TAOK3: variants seen among roughly 807,000 people sequenced by gnomAD.
TAOK3 encodes the protein TAO kinase 3.
Under a neutral mutation model 120.4 loss-of-function variants are expected in TAOK3, and 40 were observed. That is an observed-to-expected ratio of 0.33 (90% CI 0.26 to 0.43). TAOK3 has a LOEUF of 0.43. Ranked by LOEUF, TAOK3 falls within the 20% of genes least tolerant of loss-of-function variation. TAOK3 has a pLI of 1.00. For missense variants in TAOK3, 821 were observed against 1,112.1 expected, an observed-to-expected ratio of 0.74 and a Z score of 3.72; for synonymous variants, 355 against 387.5, an observed-to-expected ratio of 0.92 and a Z score of 0.99.
In TAOK3 at chr12:118,199,133, A is replaced by G. The variant is rs1294041296; in HGVS notation, c.1112T>C (p.Met371Thr). The stretch of plus-strand genomic sequence containing the variant: ...GACAAGTTCGGAACTGCTCTCGTCC[A>G]TGACTTCCTGCATGCTGTTCACACT... ...SSSVNSMQEV[M>T]DESSSELVMM... is the part of the protein sequence containing the mutation. Residue 371 changes from methionine to threonine, a missense_variant, in exon 13 of 21, where the codon ATG becomes ACG. Physicochemically the swap from Met to Thr is moderately conservative, Grantham distance 81. This residue lies in a region of TAOK3 where 467 missense variants were observed against 540.0 expected (regional missense o/e 0.86). Coordinates refer to ENST00000392533, the MANE Select transcript of TAOK3 (RefSeq NM_016281.4). 6.2e-7 allele frequency: 1 copy of G among 1,614,182 alleles called. No homozygotes were observed. The highest frequency in any genetic ancestry group is 1.1e-5 in the South Asian group (1 of 91,086).
intron 1 of TAOK3, among the ~76,000 whole-genome samples, chr12:118,338,535 C>T (rs928816132): frequency 6.6e-5 from 10 of 152,034 alleles, no homozygotes; most frequent in African/African-American, 2.2e-4. Context: ...GGCCTGTAAT[C>T]CCAGCACTTT....
chr12:118,291,330 T>G (rs2042470715), intron 1 of TAOK3, among the ~76,000 whole-genome samples: 1 of 151,378 alleles, frequency 6.6e-6, no homozygotes, highest in Non-Finnish European at 1.5e-5. Context: ...CTAATTTTTT[T>G]TTGTCGTTTT....
At chr12:118,346,408 T>G (rs953315220) in intron 1 of TAOK3, among the ~76,000 whole-genome samples, 2 of 152,214 alleles carry the variant, frequency 1.3e-5, no homozygotes, top group African/African-American at 4.8e-5. Context: ...ATGAAATGAA[T>G]AATTGTACAG....
At chr12:118,209,677 G>A (rs1036566197) in intron 11 of TAOK3, among the ~76,000 whole-genome samples, 1 of 151,442 alleles carries the variant, frequency 6.6e-6, no homozygotes, top group Non-Finnish European at 1.5e-5. Flanking sequence ...GGGATTATAG[G>A]TGTGAGCCAT....
At chr12:118,176,843 T>C (rs1034568408) in intron 16 of TAOK3, among the ~76,000 whole-genome samples, 13 of 152,088 alleles carry the variant, frequency 8.5e-5, no homozygotes, top group African/African-American at 2.2e-4. Flanking sequence ...CTCAGCTCAC[T>C]GCAACCTCTG....
chr12:118,246,285 C>G (rs1420513557), intron 3 of TAOK3: 13 of 1,553,108 alleles, frequency 8.4e-6, no homozygotes, highest in Non-Finnish European at 1.1e-5. Context: ...CAAGTTGGGC[C>G]GCTTGGTCAA....
At chr12:118,342,036 C>T (rs1429558045) in intron 1 of TAOK3, among the ~76,000 whole-genome samples, 1 of 151,994 alleles carries the variant, frequency 6.6e-6, no homozygotes, top group Non-Finnish European at 1.5e-5. Flanking sequence ...AAACAAAAAA[C>T]AAACCAAAAA....
At chr12:118,255,842 GGAGGCT>G (rs919309462) in intron 2 of TAOK3, 187 bp from the exon 3 acceptor site, 15 of 240,828 alleles carry the variant, frequency 6.2e-5, no homozygotes, top group Non-Finnish European at 8.0e-5. Context: ...CGGCACTTTG[GGAGGCT>G]GAGGCGGGCG....
intron 16 of TAOK3, among the ~76,000 whole-genome samples, chr12:118,176,322 G>A (rs1331948567): frequency 6.6e-6 from 1 of 152,142 alleles, no homozygotes; most frequent in Non-Finnish European, 1.5e-5. Flanking sequence ...GGTGGCTGGT[G>A]CAGCGAAGAG....
chr12:118,222,541 AAAAG>A (rs1434855970), intron 9 of TAOK3, among the ~76,000 whole-genome samples: 6 of 152,030 alleles, frequency 3.9e-5, no homozygotes, highest in African/African-American at 1.2e-4. Flanking sequence ...CGAAAAAAAA[AAAAG>A]AAAGAAAGAA....
At chr12:118,173,818 A>AAT (rs1241929882) in intron 16 of TAOK3, among the ~76,000 whole-genome samples, 1,524 of 152,284 alleles carry the variant, frequency 0.01, 32 homozygotes, top group African/African-American at 0.035. Flanking sequence ...TTAGCTACTC[A>AAT]CTCAGCTAAA....
intron 11 of TAOK3, among the ~76,000 whole-genome samples, chr12:118,210,244 TG>T (rs1196866931): frequency 1.3e-5 from 2 of 152,162 alleles, no homozygotes; most frequent in Non-Finnish European, 2.9e-5. Flanking sequence ...GGCTAGATTC[TG>T]TTATTGAGCA....
chr12:118,234,838 T>C (rs532282853), intron 8 of TAOK3, among the ~76,000 whole-genome samples: 184 of 152,368 alleles, frequency 1.2e-3, no homozygotes, highest in Non-Finnish European at 1.7e-3. Flanking sequence ...TTACTTTACT[T>C]GTTTGTCCAT....
Position 118,339,275 on chromosome 12 carries a change from CTTTTTTTTTTT to C in TAOK3, c.-194+33362_-194+33372del, listed in dbSNP as rs72009582. ...TGAAAATTCTCCGTTCTTCATCATA[CTTTTTTTTTTT>C]TTTTTTTTTTTTTTTGAGATGGAGT... On this transcript the variant is annotated intron_variant, in intron 1 of 20. Transcript: ENST00000392533. 3.8e-4 allele frequency among the ~76,000 whole-genome samples: 33 copies of C among 86,912 alleles called. 1 individual carries two copies. Among genetic ancestry groups the C allele is most frequent in the Admixed American group, 3.1e-4 (2 of 6,458 alleles). 57.0% of individuals were successfully genotyped at this position (86,912 alleles called of 152,430 possible). A position where few individuals can be genotyped will look rare whatever the true frequency, so the allele number is the denominator to read the frequency against.
chr12:118,264,178 T>G (rs2041349387), intron 2 of TAOK3, among the ~76,000 whole-genome samples: 1 of 152,232 alleles, frequency 6.6e-6, no homozygotes, highest in African/African-American at 2.4e-5. Context: ...TTGGGCAGTT[T>G]CTTAAAAAGT....
intron 11 of TAOK3, among the ~76,000 whole-genome samples, chr12:118,210,086 T>A (rs559655446): frequency 6.6e-6 from 1 of 152,160 alleles, no homozygotes; most frequent in Non-Finnish European, 1.5e-5. Context: ...TCTTTAGCCA[T>A]GCAAAATAAA....
intron 14 of TAOK3, among the ~76,000 whole-genome samples, chr12:118,182,823 A>G (rs2036848117): frequency 6.6e-6 from 1 of 151,866 alleles, no homozygotes; most frequent in Non-Finnish European, 1.5e-5. Context: ...CCTAAAGAGG[A>G]CAAAGCATTG....
intron 1 of TAOK3, among the ~76,000 whole-genome samples, chr12:118,325,345 G>A (rs1251698591): frequency 2.6e-5 from 4 of 152,160 alleles, no homozygotes; most frequent in Admixed American, 2.6e-4. Flanking sequence ...CATCAACAGT[G>A]TACGAGGGTT....
chr12:118,317,010 T>G (rs2043490372), intron 1 of TAOK3, among the ~76,000 whole-genome samples: 1 of 152,048 alleles, frequency 6.6e-6, no homozygotes, highest in Admixed American at 6.6e-5. Context: ...ACGCCTGTAA[T>G]CTCAGCATTT....
Sources: allele counts gnomAD v4.1 joint callset (sites outside exome capture counted in the v4.1 genomes callset), GRCh38; gene constraint gnomAD v4.1.1; regional missense constraint gnomAD v4.1.1; transcripts MANE v1.5; gene names NCBI Gene and HGNC (gene_info 2026-07-23, HGNC 2026-07-21).